Variants in GRIK4 observed in about 807,000 individuals in gnomAD.
GRIK4 encodes glutamate ionotropic receptor kainate type subunit 4.
A neutral mutation model predicts 104.9 loss-of-function variants in GRIK4; 40 were observed. That is an observed-to-expected ratio of 0.38 (90% confidence interval 0.30 to 0.50). GRIK4 has a LOEUF of 0.50. Among genes scored for constraint, GRIK4 ranks in the 20% least tolerant of loss-of-function variants. GRIK4 has a pLI of 0.93. For synonymous variants in GRIK4, 485 were observed against 524.9 expected (o/e 0.92, Z 1.04); for missense variants, 1,047 against 1,308.1 (o/e 0.80, Z 3.08).
intron 7 of GRIK4, 51 bp downstream of exon 7, chr11:120,832,081 C>G (rs774625497): frequency 1.5e-6 from 2 of 1,356,168 alleles, no homozygotes; most frequent in Admixed American, 1.8e-5. Flanking sequence ...ACCCTCCCCC[C>G]TCCTTGCCTT....
At position 120,779,039 on chromosome 11, in the gene GRIK4, C is replaced by T. The variant is rs778338733; in HGVS notation, c.83-23654C>T. ...TCCTGTCAGCTGGGGAGGTGAGCGC[C>T]GACTTAGTGGGACAGGTGCACCAGG... On this transcript the variant is annotated intron_variant, in intron 3 of 20. Coordinates refer to ENST00000527524, the MANE Select transcript of GRIK4 (RefSeq NM_014619.5). Among the ~76,000 whole-genome samples the T allele has an allele frequency of 9.9e-5, 15 of 152,176 alleles. 1 individual carries two copies. The highest frequency in any genetic ancestry group is 6.2e-4 in the South Asian group (3 of 4,822).
rs544077515 is a variant in GRIK4, at chr11:120,876,964, C to T, written c.1164+1721C>T. On this transcript the variant is annotated intron_variant, in intron 11 of 20. Transcript: ENST00000527524. ...CTGGGTCCCAGCATCTGAGAGGCTCCGATCAGCCCTCCTTAGAGTCCAGTG... is the reference window on the plus strand; with the variant it reads ...CTGGGTCCCAGCATCTGAGAGGCTCTGATCAGCCCTCCTTAGAGTCCAGTG... Among the ~76,000 whole-genome samples, 8 of 152,300 alleles carry T rather than the reference C, an allele frequency of 5.3e-5. No homozygotes were observed. In the East Asian group the frequency reaches 5.8e-4, roughly 11 times the overall value.
At chr11:120,938,851 T>G (rs1015324270) in intron 13 of GRIK4, among the ~76,000 whole-genome samples, 1 of 152,224 alleles carries the variant, frequency 6.6e-6, no homozygotes, top group African/African-American at 2.4e-5. Context: ...TTTACAAATA[T>G]AGATTCCTGC....
chr11:120,774,509 G>T (rs1264381406), intron 3 of GRIK4, among the ~76,000 whole-genome samples: 3 of 152,144 alleles, frequency 2.0e-5, no homozygotes, highest in Non-Finnish European at 2.9e-5. Flanking sequence ...TCCCTTTTTG[G>T]GGGGACCTCA....
chr11:120,515,867 T>C (rs952385955), intron 1 of GRIK4, among the ~76,000 whole-genome samples: 3 of 152,184 alleles, frequency 2.0e-5, no homozygotes, highest in Admixed American at 6.5e-5. Flanking sequence ...AATGTAACAT[T>C]GTATTGACTG....
chr11:120,877,879 C>G (rs768003028), intron 11 of GRIK4, among the ~76,000 whole-genome samples: 22 of 152,176 alleles, frequency 1.4e-4, no homozygotes, highest in Non-Finnish European at 2.6e-4. Context: ...GGGGAAAGAG[C>G]CCACTTCCAG....
chr11:120,962,684 A>T lies in GRIK4; in HGVS notation c.2266+3A>T, dbSNP rs1260059905. The T allele has an allele frequency of 1.2e-6, 2 of 1,604,850 alleles. No individual in the cohort carries two copies. The highest frequency in any genetic ancestry group is 1.7e-6 in the Non-Finnish European group (2 of 1,171,732). ...CTATGGGATTGGCATGCCAGTCGGTATGCGGGAGAGGAACAGCCTCTTTGG... is the reference window on the plus strand; with the variant it reads ...CTATGGGATTGGCATGCCAGTCGGTTTGCGGGAGAGGAACAGCCTCTTTGG... On this transcript the variant is annotated splice_donor_region_variant and intron_variant, in intron 18 of 20. Transcript: ENST00000527524.
intron 5 of GRIK4, among the ~76,000 whole-genome samples, chr11:120,816,240 T>C: frequency 6.6e-6 from 1 of 152,210 alleles, no homozygotes; most frequent in East Asian, 1.9e-4. Flanking sequence ...AGTCCTGGCA[T>C]CTTTCCTGGT....
At chr11:120,982,395 T>C (rs1004088561) in intron 20 of GRIK4, among the ~76,000 whole-genome samples, 171 bp downstream of exon 20, 4 of 152,224 alleles carry the variant, frequency 2.6e-5, no homozygotes, top group African/African-American at 7.2e-5. Flanking sequence ...GTAATTATTA[T>C]GAACAACAAA....
chr11:120,700,192 G>A (rs61901367), intron 3 of GRIK4, among the ~76,000 whole-genome samples: 17,591 of 151,566 alleles, frequency 0.12, 1,115 homozygotes, highest in South Asian at 0.2. Context: ...CTATAGTTAC[G>A]TGCCACATCA....
At chr11:120,974,088 A>G (rs1207252093) in intron 19 of GRIK4, among the ~76,000 whole-genome samples, 1 of 151,896 alleles carries the variant, frequency 6.6e-6, no homozygotes, top group Non-Finnish European at 1.5e-5. Context: ...TTGTATTTTT[A>G]GTAGAGATGG....
At chr11:120,589,700 C>T (rs1948712236) in intron 1 of GRIK4, among the ~76,000 whole-genome samples, 1 of 152,196 alleles carries the variant, frequency 6.6e-6, no homozygotes, top group Non-Finnish European at 1.5e-5. Context: ...ACCCTCAGGT[C>T]TCTCACCACC....
intron 19 of GRIK4, among the ~76,000 whole-genome samples, chr11:120,981,017 C>T (rs1342577742): frequency 4.6e-5 from 7 of 151,878 alleles, no homozygotes; most frequent in South Asian, 4.2e-4. Flanking sequence ...CTGACTGCCC[C>T]GACACTGACG....
intron 8 of GRIK4, among the ~76,000 whole-genome samples, chr11:120,838,239 G>T (rs775907120): frequency 6.6e-6 from 1 of 152,172 alleles, no homozygotes; most frequent in Non-Finnish European, 1.5e-5. Flanking sequence ...TGCTCACTGT[G>T]AGCCTTTGGT....
intron 3 of GRIK4, among the ~76,000 whole-genome samples, chr11:120,712,115 G>A (rs1950744829): frequency 6.6e-6 from 1 of 152,230 alleles, no homozygotes; most frequent in African/African-American, 2.4e-5. Flanking sequence ...AATAGTGACT[G>A]TAAAGTAAGG....
chr11:120,736,371 T>G (rs774465687), intron 3 of GRIK4, among the ~76,000 whole-genome samples: 7 of 152,128 alleles, frequency 4.6e-5, no homozygotes, highest in South Asian at 2.1e-4. Flanking sequence ...GAGTCACTTT[T>G]GTTGCTGCCA....
At chr11:120,942,338 T>C (rs1185774945) in intron 14 of GRIK4, among the ~76,000 whole-genome samples, 2 of 152,160 alleles carry the variant, frequency 1.3e-5, no homozygotes, top group Non-Finnish European at 2.9e-5. Flanking sequence ...GCCAGCACCA[T>C]TTCTGGAGCT....
intron 1 of GRIK4, among the ~76,000 whole-genome samples, chr11:120,576,961 C>T (rs946324750): frequency 6.6e-6 from 1 of 152,226 alleles, no homozygotes; most frequent in Non-Finnish European, 1.5e-5. Context: ...CCTAAGCTTG[C>T]GCTTTCCTTC....
chr11:120,780,828 G>A (rs10892624), intron 3 of GRIK4, among the ~76,000 whole-genome samples: 35,781 of 151,950 alleles, frequency 0.24, 4,823 homozygotes, highest in African/African-American at 0.38. Flanking sequence ...TGCAAGCTCC[G>A]CCTCCCAGGT....
Sources: gnomAD v4.1 joint callset for allele counts (sites outside exome capture counted in the v4.1 genomes callset) on GRCh38, gnomAD v4.1.1 for gene constraint, MANE v1.5 for transcripts, NCBI Gene and HGNC (gene_info 2026-07-23, HGNC 2026-07-21) for gene names.